The following STIM1 variants were observed in gnomAD, a reference collection of about 807,000 sequenced individuals.
The protein encoded by STIM1 is stromal interaction molecule 1.
A neutral mutation model predicts 74.7 loss-of-function variants in STIM1; 25 were observed. The ratio of observed to expected loss-of-function variants is 0.33; its 90% CI spans 0.24 to 0.47. The LOEUF (loss-of-function observed/expected upper bound fraction) is 0.47, where lower values mean the gene tolerates loss of function less well. STIM1 is among the 20% of genes least tolerant of loss of function. The pLI is 1.00. For synonymous variants in STIM1, 328 were observed against 348.8 expected, an observed-to-expected ratio of 0.94 and a Z score of 0.66; for missense variants, 728 against 920.8, an observed-to-expected ratio of 0.79 and a Z score of 2.71.
intron 2 of STIM1, 67 bp downstream of exon 2, chr11:3,967,749 A>G (rs2135736985): frequency 6.2e-6 from 10 of 1,606,036 alleles, no homozygotes; most frequent in Middle Eastern, 1.7e-4. Flanking sequence ...AAAGCTACTT[A>G]GACAGCCTCT....
chr11:4,036,562 A>G (rs1164256764), intron 3 of STIM1, among the ~76,000 whole-genome samples: 1 of 152,048 alleles, frequency 6.6e-6, no homozygotes, highest in Non-Finnish European at 1.5e-5. Context: ...CTGGTATGAG[A>G]TGGTATCTCA....
chr11:4,048,937 T>C (rs61897236), intron 3 of STIM1, among the ~76,000 whole-genome samples: 1,972 of 152,298 alleles, frequency 0.013, 23 homozygotes, highest in Non-Finnish European at 0.022. Flanking sequence ...TTTCACCATG[T>C]TGGCCAGGCT....
At chr11:3,959,306 C>T (rs777814465) in intron 1 of STIM1, among the ~76,000 whole-genome samples, 4 of 152,110 alleles carry the variant, frequency 2.6e-5, no homozygotes, top group Non-Finnish European at 4.4e-5. Flanking sequence ...TGACGAGAAA[C>T]AGAAAGTGGT....
chr11:4,075,123 A>G (rs955299919), intron 7 of STIM1, among the ~76,000 whole-genome samples: 6 of 152,200 alleles, frequency 3.9e-5, no homozygotes, highest in Non-Finnish European at 8.8e-5. Context: ...CCTGGGTGAC[A>G]AGAGTGAATC....
At chr11:3,895,710 C>CTTTT (rs1213193028) in intron 1 of STIM1, among the ~76,000 whole-genome samples, 1 of 29,540 alleles carries the variant, frequency 3.4e-5, no homozygotes. Flanking sequence ...TTCTTTCTTT[C>CTTTT]TTTCTTTCTT....
At chr11:3,871,948 C>T (rs146604051) in intron 1 of STIM1, among the ~76,000 whole-genome samples, 155 of 152,302 alleles carry the variant, frequency 1.0e-3, no homozygotes, top group African/African-American at 3.7e-3. Flanking sequence ...GGTTTTTCTC[C>T]TCTGAATTGT....
chr11:3,889,763 TTGGGTGAG>T, intron 1 of STIM1, among the ~76,000 whole-genome samples: 1 of 152,176 alleles, frequency 6.6e-6, no homozygotes, highest in South Asian at 2.1e-4. Flanking sequence ...TTTAGTATTG[TTGGGTGAG>T]TGGGGCTAGT....
rs75335735 is a variant in STIM1, at chr11:4,010,728, A to T, written c.271-13145A>T. ...CTGCCTTTCTTTCTTTCTTTTTTTT[A>T]TTATTATATATTTTAAGTTCTAGGG... is the stretch of plus-strand genomic sequence containing the variant. On this transcript the variant is annotated intron_variant, in intron 2 of 12. Transcript: ENST00000526596. Among the ~76,000 whole-genome samples, 257 of 151,772 alleles carry T rather than the reference A, an allele frequency of 1.7e-3. 2 individuals are homozygous for T. In the East Asian group the frequency reaches 0.02, roughly 12 times the overall value.
intron 1 of STIM1, among the ~76,000 whole-genome samples, chr11:3,935,132 T>A (rs528647278): frequency 1.3e-5 from 2 of 152,340 alleles, no homozygotes; most frequent in East Asian, 3.9e-4. Context: ...TTAAATTGGC[T>A]CTCTTGGCTT....
intron 2 of STIM1, among the ~76,000 whole-genome samples, chr11:4,014,002 T>C (rs1051660952): frequency 6.6e-6 from 1 of 152,118 alleles, no homozygotes; most frequent in African/African-American, 2.4e-5. Flanking sequence ...CCACCACGCC[T>C]GGCTGATTCA....
intron 2 of STIM1, among the ~76,000 whole-genome samples, chr11:4,017,480 C>T (rs190923508): frequency 3.9e-5 from 6 of 152,250 alleles, no homozygotes; most frequent in East Asian, 3.9e-4. Flanking sequence ...CCACTTACCT[C>T]GGTGATCAGA....
Position 3,970,228 on chromosome 11 carries a change from C to T in STIM1, c.270+2546C>T, listed in dbSNP as rs552854852. Among the ~76,000 whole-genome samples, 17 of 152,304 alleles carry T rather than the reference C, an allele frequency of 1.1e-4. No homozygotes were observed. In the East Asian group the frequency reaches 1.5e-3, roughly 14 times the overall value. On this transcript the variant is annotated intron_variant, in intron 2 of 12. Transcript: ENST00000526596. ...AAAACTGTTACCCTGCTCTTCTCTG[C>T]GCCAGTGGTGAGCTGTTCTTTTTCA... is the stretch of plus-strand genomic sequence containing the variant.
chr11:3,978,148 CTTT>C (rs768698563), intron 2 of STIM1, among the ~76,000 whole-genome samples: 13 of 139,330 alleles, frequency 9.3e-5, no homozygotes, highest in East Asian at 2.1e-4. Flanking sequence ...TGCCTGTGTA[CTTT>C]TTTTTTTTTT....
chr11:3,870,535 CGCCCACACTGGAGTGCAGTG>C (rs566579339), intron 1 of STIM1, among the ~76,000 whole-genome samples: 87 of 152,256 alleles, frequency 5.7e-4, no homozygotes, highest in Non-Finnish European at 1.1e-3. Context: ...CTCATTCTGT[CGCCCACACTGGAGTGCAGTG>C]GCACCATCAC....
intron 2 of STIM1, among the ~76,000 whole-genome samples, chr11:3,994,727 TGA>T (rs1440214961): frequency 2.6e-5 from 4 of 152,196 alleles, no homozygotes; most frequent in East Asian, 1.9e-4. Context: ...CTCACAGGTG[TGA>T]GTCTTTCTGC....
At chr11:3,869,041 T>A (rs1015034186) in intron 1 of STIM1, among the ~76,000 whole-genome samples, 3 of 152,114 alleles carry the variant, frequency 2.0e-5, no homozygotes, top group African/African-American at 7.2e-5. Context: ...CCATCTTGGC[T>A]CATTGCAAGC....
intron 1 of STIM1, among the ~76,000 whole-genome samples, chr11:3,943,311 C>T (rs1192025593): frequency 6.6e-6 from 1 of 152,200 alleles, no homozygotes; most frequent in African/African-American, 2.4e-5. Flanking sequence ...AAGATTGCCA[C>T]ATGCTATCTA....
At chr11:4,032,371 T>C (rs1424726931) in intron 3 of STIM1, among the ~76,000 whole-genome samples, 1 of 152,234 alleles carries the variant, frequency 6.6e-6, no homozygotes, top group Non-Finnish European at 1.5e-5. Flanking sequence ...AGTTTATTTT[T>C]GGACTCTATT....
intron 1 of STIM1, among the ~76,000 whole-genome samples, chr11:3,879,144 C>T (rs879811951): frequency 7.9e-5 from 12 of 152,008 alleles, no homozygotes; most frequent in South Asian, 2.1e-4. Flanking sequence ...TTAGTAGAGA[C>T]GGGGTTTCAC....
Sources: allele counts gnomAD v4.1 joint callset (sites outside exome capture counted in the v4.1 genomes callset), GRCh38; gene constraint gnomAD v4.1.1; transcripts MANE v1.5; gene names NCBI Gene and HGNC (gene_info 2026-07-23, HGNC 2026-07-21).